MCC: variants seen among roughly 807,000 people sequenced by gnomAD.
The protein encoded by MCC is colorectal mutant cancer protein.
Under a neutral mutation model 116.2 loss-of-function variants are expected in MCC, and 90 were observed. The ratio of observed to expected loss-of-function variants is 0.77; its 90% CI spans 0.65 to 0.92. The LOEUF is 0.92. MCC is among the 40% of genes least tolerant of loss of function. The pLI, the probability that MCC is intolerant of heterozygous loss-of-function variation, is 0.00. For missense variants in MCC, 1,516 were observed against 1,312.2 expected, an observed-to-expected ratio of 1.16 and a Z score of -2.40; for synonymous variants, 578 against 510.5, an observed-to-expected ratio of 1.13 and a Z score of -1.78.
chr5:113,058,261 C>T (rs1231949925), intron 14 of MCC, among the ~76,000 whole-genome samples: 1 of 152,176 alleles, frequency 6.6e-6, no homozygotes, highest in Non-Finnish European at 1.5e-5. Flanking sequence ...TCTAATTACC[C>T]TGCAGGAACT....
intron 16 of MCC, among the ~76,000 whole-genome samples, chr5:113,047,969 C>A (rs1752220261): frequency 6.6e-6 from 1 of 152,156 alleles, no homozygotes; most frequent in Non-Finnish European, 1.5e-5. Context: ...CAGGCTGATT[C>A]CTGCTTACCA....
chr5:113,099,127 C>T (rs1756236219), intron 8 of MCC, among the ~76,000 whole-genome samples: 1 of 152,290 alleles, frequency 6.6e-6, no homozygotes, highest in South Asian at 2.1e-4. Context: ...TTGAGATCTA[C>T]ACTCATCTTG....
intron 3 of MCC, among the ~76,000 whole-genome samples, chr5:113,252,486 C>A (rs115902360): frequency 6.6e-6 from 1 of 152,170 alleles, no homozygotes; most frequent in Non-Finnish European, 1.5e-5. Flanking sequence ...TATGATCTGT[C>A]GCTGTCTGCC....
chr5:113,182,138 T>G (rs1350149761), intron 3 of MCC, among the ~76,000 whole-genome samples: 1 of 152,236 alleles, frequency 6.6e-6, no homozygotes, highest in Admixed American at 6.5e-5. Flanking sequence ...TTTGTTTCTA[T>G]TTAAGGGTGA....
At chr5:113,346,629 AC>A (rs60449656) in intron 2 of MCC, among the ~76,000 whole-genome samples, 17,487 of 136,282 alleles carry the variant, frequency 0.13, 1,152 homozygotes, top group Non-Finnish European at 0.14. Flanking sequence ...AACAACAACA[AC>A]AACAAAAAAA....
chr5:113,470,819 A>G (rs932028043), intron 1 of MCC, among the ~76,000 whole-genome samples: 8 of 151,860 alleles, frequency 5.3e-5, no homozygotes, highest in Non-Finnish European at 8.8e-5. Context: ...AGGTATACCA[A>G]TCAGATGTAG....
chr5:113,178,357 G>A (rs189950040), intron 3 of MCC, among the ~76,000 whole-genome samples: 1 of 151,726 alleles, frequency 6.6e-6, no homozygotes, highest in Non-Finnish European at 1.5e-5. Context: ...AAGTGTAGAT[G>A]GCATTAGTGC....
At chr5:113,373,322 AAT>A (rs767316523) in intron 2 of MCC, among the ~76,000 whole-genome samples, 36 of 152,236 alleles carry the variant, frequency 2.4e-4, no homozygotes, top group Non-Finnish European at 2.8e-4. Context: ...ACACATATAA[AAT>A]ATGTTTCTAA....
chr5:113,046,710 A>AAAAAAAAAAAAAAAAAAAAAAGAG lies in MCC; in HGVS notation c.2655+2382_2655+2383insCTCTTTTTTTTTTTTTTTTTTTTT. On this transcript the variant is annotated intron_variant, in intron 16 of 18. Transcript: ENST00000408903. ...CAAAAAAAAAAAAAAAAAAAAAAAA[A>AAAAAAAAAAAAAAAAAAAAAAGAG]AGAGAGAGATTTTGAAGGTGTTTGT... 1.1e-4 allele frequency among the ~76,000 whole-genome samples: 11 copies of AAAAAAAAAAAAAAAAAAAAAAGAG among 102,460 alleles called. 2 individuals carry two copies. The highest frequency in any genetic ancestry group is 3.6e-4 in the African/African-American group (9 of 25,084). The allele number at this position is 102,460 out of a possible 152,430, so 67.2% of individuals were successfully genotyped here. A position where few individuals can be genotyped will look rare whatever the true frequency, so the allele number is the denominator to read the frequency against.
chr5:113,221,138 A>T (rs1374095664), intron 3 of MCC, among the ~76,000 whole-genome samples: 2 of 152,220 alleles, frequency 1.3e-5, no homozygotes, highest in African/African-American at 4.8e-5. Context: ...GGGGAAGTCA[A>T]GGCTGCAGTG....
At chr5:113,111,976 T>G (rs1357408317) in intron 6 of MCC, among the ~76,000 whole-genome samples, 1 of 152,170 alleles carries the variant, frequency 6.6e-6, no homozygotes, top group Non-Finnish European at 1.5e-5. Flanking sequence ...GTGTTAAAAG[T>G]TGCTTTTTTA....
chr5:113,183,497 G>C (rs1761730256), intron 3 of MCC, among the ~76,000 whole-genome samples: 1 of 151,556 alleles, frequency 6.6e-6, no homozygotes. Flanking sequence ...TGGTGACAAA[G>C]TCAGCTACCT....
intron 13 of MCC, among the ~76,000 whole-genome samples, chr5:113,065,811 A>C (rs1043528797): frequency 6.6e-6 from 1 of 152,234 alleles, no homozygotes. Context: ...ATGATGGCAC[A>C]GTATGATGGG....
chr5:113,094,710 G>GCAA, intron 8 of MCC, among the ~76,000 whole-genome samples: 1 of 152,130 alleles, frequency 6.6e-6, no homozygotes, highest in Non-Finnish European at 1.5e-5. Context: ...ATGAGCCACC[G>GCAA]CTCCCGGCCA....
intron 3 of MCC, among the ~76,000 whole-genome samples, chr5:113,235,588 C>A (rs1040195101): frequency 6.6e-6 from 1 of 152,176 alleles, no homozygotes; most frequent in Non-Finnish European, 1.5e-5. Flanking sequence ...ATTTAACAAT[C>A]CTGCCATTTG....
chr5:113,245,478 T>A, intron 3 of MCC, among the ~76,000 whole-genome samples: 1 of 151,774 alleles, frequency 6.6e-6, no homozygotes, highest in East Asian at 1.9e-4. Context: ...GGGAAAAAGG[T>A]AAGCAAAGTA....
chr5:113,384,942 T>G (rs775421172), intron 2 of MCC, 26 bp downstream of exon 2: 2 of 1,613,064 alleles, frequency 1.2e-6, no homozygotes, highest in East Asian at 4.5e-5. Context: ...TGGAGTGCCA[T>G]AAAACTGCCA....
At chr5:113,238,673 T>C (rs769166716) in intron 3 of MCC, among the ~76,000 whole-genome samples, 2 of 152,222 alleles carry the variant, frequency 1.3e-5, no homozygotes, top group African/African-American at 4.8e-5. Flanking sequence ...GTCAGCACAT[T>C]TGATTAGTTT....
At chr5:113,268,202 C>T (rs1432465696) in intron 3 of MCC, among the ~76,000 whole-genome samples, 1 of 152,224 alleles carries the variant, frequency 6.6e-6, no homozygotes, top group Non-Finnish European at 1.5e-5. Context: ...TCTTCTTCCA[C>T]AAAGCACCAT....
Sources: gnomAD v4.1 joint callset for allele counts (sites outside exome capture counted in the v4.1 genomes callset) on GRCh38, gnomAD v4.1.1 for gene constraint, MANE v1.5 for transcripts, NCBI Gene and HGNC (gene_info 2026-07-23, HGNC 2026-07-21) for gene names.